The following ITFG1 variants were observed in gnomAD, a reference collection of about 807,000 sequenced individuals.
The protein encoded by ITFG1 is integrin alpha FG-GAP repeat containing 1.
A neutral mutation model predicts 81.8 loss-of-function variants in ITFG1; 34 were observed. The ratio of observed to expected loss-of-function variants is 0.42; its 90% CI spans 0.32 to 0.55. ITFG1 has a LOEUF of 0.55. Among genes scored for constraint, ITFG1 ranks in the 20% least tolerant of loss-of-function variants. The pLI, the probability that ITFG1 is intolerant of heterozygous loss-of-function variation, is 0.17. For missense variants in ITFG1, 672 were observed against 755.4 expected (o/e 0.89, Z 1.29); for synonymous variants, 285 against 270.6 (o/e 1.05, Z -0.52).
rs188888620 is a variant in ITFG1 at position 47,244,170 on chromosome 16, G to C, written c.1331-6162C>G. ...ATGCATCTCTTCCATCTGGATGTTTGCCTGTATCCTTTGTAATACCTTTTA... is the reference window on the plus strand; with the variant it reads ...ATGCATCTCTTCCATCTGGATGTTTCCCTGTATCCTTTGTAATACCTTTTA... On this transcript the variant is annotated intron_variant, in intron 12 of 17. Coordinates refer to ENST00000320640, the MANE Select transcript of ITFG1 (RefSeq NM_030790.5). Among the ~76,000 whole-genome samples the C allele has an allele frequency of 3.7e-4, 56 of 152,334 alleles. No individual in the cohort carries two copies. The East Asian group carries it at 0.011, about 29-fold the overall frequency.
At chr16:47,338,780 T>C (rs1267382348) in intron 8 of ITFG1, among the ~76,000 whole-genome samples, 1 of 152,094 alleles carries the variant, frequency 6.6e-6, no homozygotes, top group Non-Finnish European at 1.5e-5. Context: ...AAATGGGGTT[T>C]TTCCATTACC....
intron 12 of ITFG1, among the ~76,000 whole-genome samples, chr16:47,244,529 G>T (rs1168050211): frequency 6.6e-6 from 1 of 151,840 alleles, no homozygotes; most frequent in South Asian, 2.1e-4. Flanking sequence ...GAGAGTAGAC[G>T]AAACAAAGTT....
chr16:47,353,566 G>C (rs1469003479), intron 8 of ITFG1, among the ~76,000 whole-genome samples: 1 of 151,992 alleles, frequency 6.6e-6, no homozygotes, highest in African/African-American at 2.4e-5. Context: ...TTATGTGAAA[G>C]ATATTAAAAG....
intron 6 of ITFG1, among the ~76,000 whole-genome samples, chr16:47,395,441 C>A (rs980357463): frequency 6.6e-6 from 1 of 152,194 alleles, no homozygotes; most frequent in Non-Finnish European, 1.5e-5. Context: ...ATTAAAACAT[C>A]TGGCAGGTCA....
At chr16:47,190,076 A>C (rs1411032549) in intron 14 of ITFG1, among the ~76,000 whole-genome samples, 1 of 152,178 alleles carries the variant, frequency 6.6e-6, no homozygotes, top group Non-Finnish European at 1.5e-5. Flanking sequence ...CAAAGTGAAC[A>C]ATGTTGTAAA....
chr16:47,328,309 C>T (rs779340158), intron 8 of ITFG1, among the ~76,000 whole-genome samples: 50 of 151,934 alleles, frequency 3.3e-4, no homozygotes, highest in South Asian at 4.2e-4. Context: ...CATCACACAC[C>T]GGGGACAGTT....
At chr16:47,308,911 T>G (rs1264732679) in intron 10 of ITFG1, among the ~76,000 whole-genome samples, 1 of 152,106 alleles carries the variant, frequency 6.6e-6, no homozygotes, top group Middle Eastern at 3.2e-3. Context: ...CTTAAATATG[T>G]CAACATTTTG....
chr16:47,361,778 T>C (rs1401000130), intron 8 of ITFG1, among the ~76,000 whole-genome samples: 1 of 152,158 alleles, frequency 6.6e-6, no homozygotes, highest in African/African-American at 2.4e-5. Context: ...CTTTTCTTGG[T>C]CTTCTTTTGC....
intron 8 of ITFG1, among the ~76,000 whole-genome samples, chr16:47,334,159 A>G (rs1967672531): frequency 1.3e-5 from 2 of 152,206 alleles, no homozygotes; most frequent in Non-Finnish European, 2.9e-5. Context: ...ATGAATGAAT[A>G]TATTTTAGGC....
intron 6 of ITFG1, among the ~76,000 whole-genome samples, chr16:47,409,843 T>C (rs974014473): frequency 6.6e-6 from 1 of 151,992 alleles, no homozygotes; most frequent in South Asian, 2.1e-4. Flanking sequence ...AACAATTCTA[T>C]ATAGCCAAAA....
chr16:47,461,088 G>C (rs1466804706), upstream of ITFG1: 1 of 1,473,198 alleles, frequency 6.8e-7, no homozygotes, highest in South Asian at 1.3e-5. Context: ...CGCCGCGCTT[G>C]ACGACAGCCG....
intron 8 of ITFG1, among the ~76,000 whole-genome samples, chr16:47,328,468 T>A (rs1596899863): frequency 1.3e-5 from 2 of 151,848 alleles, no homozygotes; most frequent in South Asian, 2.1e-4. Flanking sequence ...ACTTAAAGTA[T>A]AATAATAATA....
At chr16:47,328,488 AT>A (rs1316704864) in intron 8 of ITFG1, among the ~76,000 whole-genome samples, 1 of 152,240 alleles carries the variant, frequency 6.6e-6, no homozygotes, top group East Asian at 1.9e-4. Context: ...AATAAAAAAA[AT>A]CAAACCATAT....
At chr16:47,455,466 A>G (rs1168809506) in intron 2 of ITFG1, among the ~76,000 whole-genome samples, 2 of 151,902 alleles carry the variant, frequency 1.3e-5, no homozygotes, top group Non-Finnish European at 2.9e-5. Flanking sequence ...CTCGGAAATT[A>G]AAAATGTGAC....
At chr16:47,427,243 T>C (rs1319087756) in intron 6 of ITFG1, among the ~76,000 whole-genome samples, 3 of 152,190 alleles carry the variant, frequency 2.0e-5, no homozygotes, top group South Asian at 2.1e-4. Context: ...CTGAACCTAC[T>C]GATCAATTTT....
chr16:47,339,080 T>C (rs972756806), intron 8 of ITFG1, among the ~76,000 whole-genome samples: 3 of 152,242 alleles, frequency 2.0e-5, no homozygotes, highest in African/African-American at 7.2e-5. Context: ...CTGGCTTCTT[T>C]CATTTAACAG....
intron 10 of ITFG1, among the ~76,000 whole-genome samples, chr16:47,296,294 C>A (rs1477523847): frequency 6.6e-6 from 1 of 151,544 alleles, no homozygotes; most frequent in Non-Finnish European, 1.5e-5. Flanking sequence ...CCTCTTAGCA[C>A]TGCTTTTGCT....
intron 6 of ITFG1, among the ~76,000 whole-genome samples, chr16:47,410,055 T>A (rs1349300400): frequency 1.3e-5 from 2 of 152,052 alleles, no homozygotes; most frequent in Admixed American, 6.5e-5. Context: ...AAGAGGATCG[T>A]TTGAGCTTAG....
intron 6 of ITFG1, among the ~76,000 whole-genome samples, chr16:47,390,659 C>T (rs892508927): frequency 6.6e-6 from 1 of 152,060 alleles, no homozygotes; most frequent in Non-Finnish European, 1.5e-5. Context: ...GGGGTTTCAC[C>T]ATGTTGGCCA....
Sources: allele counts gnomAD v4.1 joint callset (sites outside exome capture counted in the v4.1 genomes callset), GRCh38; gene constraint gnomAD v4.1.1; transcripts MANE v1.5; gene names NCBI Gene and HGNC (gene_info 2026-07-23, HGNC 2026-07-21).